CD44: variants seen among roughly 807,000 people sequenced by gnomAD.
The protein encoded by CD44 is CD44 molecule (IN blood group).
In CD44, 49 loss-of-function variants were observed where a neutral mutation model predicts 88.8. The ratio of observed to expected loss-of-function variants is 0.55; its 90% CI spans 0.44 to 0.70. CD44 has a LOEUF of 0.70. Among genes scored for constraint, CD44 ranks in the 30% least tolerant of loss-of-function variants. The pLI is 0.00. For synonymous variants in CD44, 325 were observed against 312.3 expected, an observed-to-expected ratio of 1.04 and a Z score of -0.43; for missense variants, 883 against 913.8, an observed-to-expected ratio of 0.97 and a Z score of 0.43.
chr11:35,166,422 T>A (rs1943272419), intron 1 of CD44, among the ~76,000 whole-genome samples: 1 of 151,852 alleles, frequency 6.6e-6, no homozygotes, highest in Non-Finnish European at 1.5e-5. Context: ...TACCCTCACC[T>A]CCAAGTCCCC....
intron 12 of CD44, among the ~76,000 whole-genome samples, chr11:35,209,536 G>A (rs1554973036): frequency 6.6e-6 from 1 of 152,082 alleles, no homozygotes; most frequent in African/African-American, 2.4e-5. Context: ...CTATCATAGT[G>A]TTCATTTTCC....
chr11:35,226,803 A>C (rs1949715736), intron 17 of CD44, among the ~76,000 whole-genome samples: 1 of 151,876 alleles, frequency 6.6e-6, no homozygotes, highest in Non-Finnish European at 1.5e-5. Flanking sequence ...AGAGAGGTTA[A>C]GTGAGTTGCC....
chr11:35,214,870 AC>A lies in CD44; in HGVS notation c.1833del (p.Ser612ValfsTer31). 1.3e-6 allele frequency: 2 copies of A among 1,556,808 alleles called. No homozygotes were observed. The highest frequency in any genetic ancestry group is 2.4e-5 in the East Asian group (1 of 41,270). ...RSLSGDQDTF[H>X]PSGGSHTTHG... ...ATTACAGGAGACCAAGACACATTCC[AC>A]CCCAGTGGGGGGTCCCATACCACTC... On this transcript the variant is annotated frameshift_variant, in exon 15 of 18. Transcript: ENST00000428726. LOFTEE classifies it high-confidence loss of function.
chr11:35,209,570 CAGTT>C (rs1377393384), intron 12 of CD44, among the ~76,000 whole-genome samples: 5 of 152,090 alleles, frequency 3.3e-5, no homozygotes, highest in African/African-American at 1.2e-4. Flanking sequence ...TCTTGACACA[CAGTT>C]AGGTGCTTTT....
intron 1 of CD44, among the ~76,000 whole-genome samples, chr11:35,161,426 C>A (rs1235638965): frequency 6.6e-6 from 1 of 152,164 alleles, no homozygotes; most frequent in Non-Finnish European, 1.5e-5. Context: ...TCTCACAATA[C>A]AATGAGGGTA....
At chr11:35,187,415 T>G (rs186016248) in intron 4 of CD44, among the ~76,000 whole-genome samples, 39 of 152,350 alleles carry the variant, frequency 2.6e-4, no homozygotes, top group African/African-American at 8.9e-4. Context: ...TCCTCAAACT[T>G]CAGTCATTTG....
chr11:35,198,281 C>T (rs763780713), intron 7 of CD44, 35 bp downstream of exon 7: 20 of 1,599,872 alleles, frequency 1.3e-5, no homozygotes, highest in Non-Finnish European at 1.7e-5. Context: ...GCCATTTATG[C>T]AAGGCTTATT....
At chr11:35,212,027 G>T (rs1948441338) in intron 14 of CD44, among the ~76,000 whole-genome samples, 1 of 152,028 alleles carries the variant, frequency 6.6e-6, no homozygotes, top group East Asian at 1.9e-4. Flanking sequence ...TAGTATTAAT[G>T]AATAGGGACC....
chr11:35,198,434 T>C (rs1390026437), intron 7 of CD44, 188 bp downstream of exon 7: 1 of 536,438 alleles, frequency 1.9e-6, no homozygotes, highest in Non-Finnish European at 3.2e-6. Context: ...GGGGAAAATA[T>C]CTCACAAAAT....
chr11:35,185,652 T>C (rs1330463972), intron 3 of CD44, among the ~76,000 whole-genome samples: 1 of 152,200 alleles, frequency 6.6e-6, no homozygotes, highest in Non-Finnish European at 1.5e-5. Flanking sequence ...GGAGCAATTC[T>C]GGGAGAAACT....
At chr11:35,215,258 T>C (rs1301887709) in intron 15 of CD44, among the ~76,000 whole-genome samples, 3 of 152,206 alleles carry the variant, frequency 2.0e-5, no homozygotes, top group Non-Finnish European at 2.9e-5. Flanking sequence ...CAATTTAACC[T>C]TGCACTACAC....
At chr11:35,188,406 A>T (rs944164267) in intron 4 of CD44, among the ~76,000 whole-genome samples, 1 of 152,236 alleles carries the variant, frequency 6.6e-6, no homozygotes, top group Non-Finnish European at 1.5e-5. Context: ...TCTCATTCAT[A>T]TAATGGAACA....
intron 7 of CD44, among the ~76,000 whole-genome samples, chr11:35,199,543 A>G (rs1234199063): frequency 6.6e-6 from 1 of 152,188 alleles, no homozygotes; most frequent in Non-Finnish European, 1.5e-5. Flanking sequence ...GACAGAGAAG[A>G]AAGGGTCCAG....
chr11:35,190,245 A>T (rs1946137608), intron 5 of CD44, 180 bp downstream of exon 5: 1 of 606,450 alleles, frequency 1.6e-6, no homozygotes, highest in Non-Finnish European at 2.9e-6. Context: ...ATTGACTACT[A>T]CTGCCTACCT....
chr11:35,196,796 G>A lies in CD44; in HGVS notation c.718G>A (p.Glu240Lys). 1 of 1,613,774 alleles carries A rather than the reference G, an allele frequency of 6.2e-7. No individual in the cohort carries two copies. The highest frequency in any genetic ancestry group is 8.5e-7 in the Non-Finnish European group (1 of 1,179,758). ...AACTGAGACAGCAACCAAGAGGCAA[G>A]AAACCTGGGATTGGTTTTCATGGTT... is the stretch of plus-strand genomic sequence containing the variant. ...TATETATKRQ[E>K]TWDWFSWLFL... The change falls in exon 6 of 18, where the codon GAA becomes AAA. Residue 240 changes from glutamate (E) to lysine (K), a missense_variant. By Grantham distance (56) the Glu-to-Lys change is moderately conservative. This residue lies in a region of CD44 where 252 missense variants were observed against 322.9 expected (regional missense o/e 0.78). Coordinates refer to ENST00000428726, the MANE Select transcript of CD44 (RefSeq NM_000610.4).
rs902060747 is a variant in CD44 at position 35,218,058 on chromosome 11, G to T, written c.1874-1258G>T. On this transcript the variant is annotated intron_variant, in intron 15 of 17. Coordinates refer to ENST00000428726, the MANE Select transcript of CD44 (RefSeq NM_000610.4). ...CTGTCTCAGCCTCCCAAAGTGCTGG[G>T]ATTACAGGTGTGAGCCACCATGCCC... 7.9e-5 allele frequency among the ~76,000 whole-genome samples: 12 copies of T among 152,280 alleles called. No homozygotes were observed. The East Asian group carries it at 2.1e-3, about 27-fold the overall frequency.
chr11:35,229,405 C>A lies in CD44; in HGVS notation c.*72C>A. On this transcript the variant is annotated 3_prime_UTR_variant, in exon 18 of 18. Transcript: ENST00000428726. ...CATTACAGGGAGCTGGGACACTTAA[C>A]AGATGCAATGTGCTACTGATTGTTT... 3.3e-6 allele frequency: 3 copies of A among 898,030 alleles called. No individual in the cohort carries two copies. Among genetic ancestry groups the A allele is most frequent in the Non-Finnish European group, 5.4e-6 (3 of 557,608 alleles). 55.6% of individuals were successfully genotyped at this position (898,030 alleles called of 1,614,324 possible). A position where few individuals can be genotyped will look rare whatever the true frequency, so the allele number is the denominator to read the frequency against.
chr11:35,181,790 T>TATAAA (rs1565079631), intron 3 of CD44, among the ~76,000 whole-genome samples: 13 of 114,478 alleles, frequency 1.1e-4, no homozygotes, highest in African/African-American at 4.6e-4. Context: ...TTATATAAAT[T>TATAAA]TATATATAAA....
chr11:35,190,171 C>G (rs1305069314), intron 5 of CD44, 106 bp downstream of exon 5: 1 of 972,624 alleles, frequency 1.0e-6, no homozygotes, highest in Non-Finnish European at 1.6e-6. Context: ...CGTCTCTAGA[C>G]AGCTGGAAGC....
Sources: gnomAD v4.1 joint callset for allele counts (sites outside exome capture counted in the v4.1 genomes callset) on GRCh38, gnomAD v4.1.1 for gene constraint, gnomAD v4.1.1 regional missense constraint, MANE v1.5 for transcripts, NCBI Gene and HGNC (gene_info 2026-07-23, HGNC 2026-07-21) for gene names.